Variants in ASPRV1 observed in about 807,000 individuals in gnomAD.
The protein encoded by ASPRV1 is aspartic peptidase retroviral like 1.
A neutral mutation model predicts 11.0 loss-of-function variants in ASPRV1; 7 were observed. The ratio of observed to expected loss-of-function variants is 0.64; its 90% CI spans 0.36 to 1.20. The LOEUF is 1.20. Among genes scored for constraint, ASPRV1 ranks in the 50% most tolerant of loss-of-function variants. The probability of loss-of-function intolerance (pLI) is 0.02; values close to 1 mark genes in which losing one functional copy is unlikely to be tolerated. For missense variants in ASPRV1, 299 were observed against 320.0 expected (o/e 0.93, Z 0.50); for synonymous variants, 136 against 138.4 (o/e 0.98, Z 0.12).
chr2:69,966,074 C>G (rs1219128062), upstream of ASPRV1, among the ~76,000 whole-genome samples: 2 of 152,208 alleles, frequency 1.3e-5, no homozygotes, highest in East Asian at 3.8e-4. Context: ...AAGTCCCAAC[C>G]CTGGGGGGTC....
chr2:70,020,897 A>G, the ASPRV1 span, among the ~76,000 whole-genome samples: 7 of 152,084 alleles, frequency 4.6e-5, no homozygotes, highest in Admixed American at 2.0e-4. Flanking sequence ...GGTAGTTTCA[A>G]TTTTCAAGAT....
chr2:69,941,673 T>G, the ASPRV1 span: 3 of 152,184 alleles, frequency 2.0e-5, no homozygotes, highest in African/African-American at 7.2e-5. Flanking sequence ...GCCTCTCTTC[T>G]GCATCCCCAA....
chr2:69,969,774 G>A, the ASPRV1 span, among the ~76,000 whole-genome samples: 2 of 152,150 alleles, frequency 1.3e-5, no homozygotes, highest in African/African-American at 4.8e-5. Context: ...CACCTAGGCT[G>A]AAATGCCATG....
chr2:69,997,181 G>A, the ASPRV1 span, among the ~76,000 whole-genome samples: 1 of 119,948 alleles, frequency 8.3e-6, no homozygotes, highest in African/African-American at 4.3e-5. Flanking sequence ...GCAAGACCCA[G>A]TCTATTAAAA....
the ASPRV1 span, among the ~76,000 whole-genome samples, chr2:70,036,058 T>C: frequency 6.6e-6 from 1 of 151,548 alleles, no homozygotes; most frequent in Non-Finnish European, 1.5e-5. Flanking sequence ...CATTTTCAGA[T>C]ATTCAGCCTC....
At chr2:70,086,783 A>C in the ASPRV1 span, among the ~76,000 whole-genome samples, 1 of 152,244 alleles carries the variant, frequency 6.6e-6, no homozygotes, top group African/African-American at 2.4e-5. Flanking sequence ...ATGTAAATGG[A>C]CGCCATTCTT....
downstream of ASPRV1, among the ~76,000 whole-genome samples, chr2:69,958,922 G>T (rs1301869605): frequency 6.6e-6 from 1 of 152,194 alleles, no homozygotes; most frequent in Non-Finnish European, 1.5e-5. Context: ...CCTTCCTCCA[G>T]GTGCCCTGGG....
upstream of ASPRV1, chr2:69,961,646 G>A (rs775077165): frequency 5.1e-6 from 8 of 1,579,014 alleles, no homozygotes; most frequent in Admixed American, 1.8e-5. Flanking sequence ...TGTTCACTCT[G>A]CAGAGCCTTT....
At chr2:69,975,237 G>A in the ASPRV1 span, 7 of 152,470 alleles carry the variant, frequency 4.6e-5, no homozygotes, top group African/African-American at 7.2e-5. Flanking sequence ...GGACTTGAAT[G>A]TATCTGGGAT....
the ASPRV1 span, among the ~76,000 whole-genome samples, chr2:69,986,575 C>T: frequency 2.6e-5 from 4 of 152,200 alleles, no homozygotes; most frequent in African/African-American, 9.6e-5. Flanking sequence ...GACAACTTCC[C>T]AGACCCTCGT....
At chr2:69,938,317 T>G in the ASPRV1 span, 1 of 1,607,738 alleles carries the variant, frequency 6.2e-7, no homozygotes, top group Non-Finnish European at 8.5e-7. Context: ...TCCTTGAAGG[T>G]TCTCCCTGTT....
the ASPRV1 span, among the ~76,000 whole-genome samples, chr2:69,985,334 C>T: frequency 1.3e-5 from 2 of 152,130 alleles, no homozygotes; most frequent in African/African-American, 4.8e-5. Flanking sequence ...GGCACCTGAT[C>T]GCCACTGGTT....
the ASPRV1 span, among the ~76,000 whole-genome samples, chr2:70,083,169 G>A: frequency 6.6e-6 from 1 of 152,190 alleles, no homozygotes; most frequent in Non-Finnish European, 1.5e-5. Flanking sequence ...TGAGTTTAAG[G>A]TAAAGCTATC....
the ASPRV1 span, among the ~76,000 whole-genome samples, chr2:69,933,050 T>C: frequency 6.6e-6 from 1 of 151,728 alleles, no homozygotes; most frequent in Non-Finnish European, 1.5e-5. Flanking sequence ...AATACAAAAA[T>C]TAGCCGGACG....
At chr2:69,943,117 G>A in the ASPRV1 span, among the ~76,000 whole-genome samples, 1 of 152,128 alleles carries the variant, frequency 6.6e-6, no homozygotes, top group South Asian at 2.1e-4. Flanking sequence ...CTCCAGTTGA[G>A]CCCATTTGTT....
the ASPRV1 span, among the ~76,000 whole-genome samples, chr2:70,002,440 G>A: frequency 6.6e-6 from 1 of 152,166 alleles, no homozygotes; most frequent in Non-Finnish European, 1.5e-5. Context: ...TCACTTCTGT[G>A]CCCAAGATCT....
the ASPRV1 span, among the ~76,000 whole-genome samples, chr2:70,026,373 AG>A: frequency 6.6e-6 from 1 of 151,694 alleles, no homozygotes; most frequent in East Asian, 1.9e-4. Context: ...CAGAGCAATC[AG>A]AAAAAAAAAA....
chr2:70,065,805 C>T, the ASPRV1 span, among the ~76,000 whole-genome samples: 213 of 95,422 alleles, frequency 2.2e-3, 2 homozygotes, highest in Middle Eastern at 0.013. Context: ...GGTGACAGAA[C>T]GAGGCTTTTG....
chr2:70,068,330 C>G, the ASPRV1 span, among the ~76,000 whole-genome samples: 1 of 152,170 alleles, frequency 6.6e-6, no homozygotes, highest in African/African-American at 2.4e-5. Context: ...CAGGCAAAGT[C>G]AGGGGTGAAG....
Sources: gnomAD v4.1 joint callset for allele counts (sites outside exome capture counted in the v4.1 genomes callset) on GRCh38, gnomAD v4.1.1 for gene constraint, MANE v1.5 for transcripts, NCBI Gene and HGNC (gene_info 2026-07-23, HGNC 2026-07-21) for gene names.